Variants in RUNX1 observed in about 807,000 individuals in gnomAD.
The protein encoded by RUNX1 is runt-related transcription factor 1.
A neutral mutation model predicts 42.8 loss-of-function variants in RUNX1; 19 were observed. The ratio of observed to expected loss-of-function variants is 0.44; its 90% CI spans 0.31 to 0.65. The LOEUF is 0.65. Ranked by LOEUF, RUNX1 falls within the 30% of genes least tolerant of loss-of-function variation. The probability of loss-of-function intolerance (pLI) is 0.07; values close to 1 mark genes in which losing one functional copy is unlikely to be tolerated. For synonymous variants in RUNX1, 271 were observed against 289.4 expected (o/e 0.94, Z 0.64); for missense variants, 528 against 672.0 (o/e 0.79, Z 2.37).
chr21:34,877,715 C>T (rs1254112903), intron 5 of RUNX1, among the ~76,000 whole-genome samples: 1 of 152,212 alleles, frequency 6.6e-6, no homozygotes, highest in Admixed American at 6.5e-5. Context: ...GAGCTGTGAT[C>T]CTGGATGGCA....
chr21:34,889,806 G>C, intron 3 of RUNX1: 1 of 1,125,062 alleles, frequency 8.9e-7, no homozygotes, highest in Non-Finnish European at 1.1e-6. Flanking sequence ...CGCCCGGCGG[G>C]GCTCCCTCCC....
At chr21:34,932,850 A>G (rs1033357868) in intron 2 of RUNX1, among the ~76,000 whole-genome samples, 2 of 152,128 alleles carry the variant, frequency 1.3e-5, no homozygotes, top group African/African-American at 2.4e-5. Flanking sequence ...GGCATTTCCC[A>G]TACTCCTCTC....
intron 2 of RUNX1, among the ~76,000 whole-genome samples, chr21:34,922,988 G>T (rs2058365375): frequency 6.6e-6 from 1 of 152,150 alleles, no homozygotes; most frequent in Non-Finnish European, 1.5e-5. Context: ...CTATTTTATA[G>T]AGGGAGAAAA....
chr21:34,875,990 C>A (rs932654903), intron 5 of RUNX1, among the ~76,000 whole-genome samples: 2 of 152,154 alleles, frequency 1.3e-5, no homozygotes, highest in African/African-American at 2.4e-5. Context: ...CAAGAACATA[C>A]CGAAGGAATT....
chr21:34,834,056 C>A (rs1225579859), intron 7 of RUNX1: 5 of 453,080 alleles, frequency 1.1e-5, no homozygotes, highest in Non-Finnish European at 2.1e-5. Flanking sequence ...TGTCTTCAAG[C>A]CTAATGGGTA....
chr21:34,989,996 C>T (rs1440175172), intron 2 of RUNX1, among the ~76,000 whole-genome samples: 1 of 152,158 alleles, frequency 6.6e-6, no homozygotes, highest in East Asian at 1.9e-4. Context: ...GAAACGGATG[C>T]ACAGTAAATG....
In RUNX1 at chr21:34,808,936, A is replaced by G. The variant is rs533303107; in HGVS notation, c.806-9474T>C. Among the ~76,000 whole-genome samples the G allele has an allele frequency of 2.0e-5, 3 of 152,302 alleles. No individual in the cohort carries two copies. The South Asian group carries it at 6.2e-4, about 32-fold the overall frequency. ...CTGAGGCAGAGGGAGAGTGGCCTTC[A>G]GTGCACACAGCTGGAGGGACCATAG... On this transcript the variant is annotated intron_variant, in intron 7 of 8. Coordinates refer to ENST00000675419, the MANE Select transcript of RUNX1 (RefSeq NM_001754.5).
At chr21:34,922,403 C>T (rs2058360851) in intron 2 of RUNX1, among the ~76,000 whole-genome samples, 1 of 152,088 alleles carries the variant, frequency 6.6e-6, no homozygotes, top group South Asian at 2.1e-4. Context: ...ACTTTACTGT[C>T]TTTATATCAA....
intron 2 of RUNX1, among the ~76,000 whole-genome samples, chr21:34,894,016 T>C (rs2058109020): frequency 6.6e-6 from 1 of 152,096 alleles, no homozygotes; most frequent in Admixed American, 6.6e-5. Flanking sequence ...GGTTCACAAG[T>C]AGATAAAATG....
intron 2 of RUNX1, among the ~76,000 whole-genome samples, chr21:35,043,446 G>A (rs2059374401): frequency 6.6e-6 from 1 of 152,096 alleles, no homozygotes; most frequent in African/African-American, 2.4e-5. Flanking sequence ...AATGGGAGTT[G>A]GAGAAAGCAA....
intron 2 of RUNX1, among the ~76,000 whole-genome samples, chr21:34,895,506 TAGCAG>T (rs969551150): frequency 3.9e-5 from 6 of 152,204 alleles, no homozygotes; most frequent in African/African-American, 1.4e-4. Context: ...ACTTCCTTCC[TAGCAG>T]AGGTGATTTT....
At chr21:34,948,388 T>C (rs2058581418) in intron 2 of RUNX1, among the ~76,000 whole-genome samples, 3 of 152,054 alleles carry the variant, frequency 2.0e-5, no homozygotes, top group Admixed American at 6.6e-5. Flanking sequence ...CTGTATTCAT[T>C]CTCTCGGGGT....
intron 2 of RUNX1, among the ~76,000 whole-genome samples, chr21:35,045,718 C>G (rs929596504): frequency 1.1e-4 from 16 of 152,284 alleles, no homozygotes; most frequent in Admixed American, 1.0e-3. Context: ...AGTGTTCAGT[C>G]AAGCCAGAAG....
intron 5 of RUNX1, among the ~76,000 whole-genome samples, chr21:34,876,002 C>T (rs1051160556): frequency 6.6e-6 from 1 of 152,200 alleles, no homozygotes; most frequent in Admixed American, 6.5e-5. Context: ...GAAGGAATTT[C>T]ATTGTATAAA....
intron 2 of RUNX1, among the ~76,000 whole-genome samples, chr21:35,007,402 GA>G (rs2059093198): frequency 6.6e-6 from 1 of 152,092 alleles, no homozygotes; most frequent in Middle Eastern, 3.2e-3. Context: ...CCCCACCCCA[GA>G]ACTGTGCCTT....
chr21:34,940,342 T>C (rs1473563590), intron 2 of RUNX1, among the ~76,000 whole-genome samples: 1 of 152,212 alleles, frequency 6.6e-6, no homozygotes, highest in Middle Eastern at 3.2e-3. Flanking sequence ...AGCCATTCGT[T>C]CTTTAATGTC....
In RUNX1 at chr21:34,907,936, T is replaced by C. The variant is rs964641031; in HGVS notation, c.59-14973A>G. ...AGTTTATAGAGGGAAAAGGAGGCTCTGAAAAGTGAGTGGCTCTTCTAAGCT... is the reference window on the plus strand; with the variant it reads ...AGTTTATAGAGGGAAAAGGAGGCTCCGAAAAGTGAGTGGCTCTTCTAAGCT... On this transcript the variant is annotated intron_variant, in intron 2 of 8. Transcript: ENST00000675419. This position sits in a 1 kb window ranked among gnomAD's most constrained non-coding sequence, Gnocchi z 5.3. Among the ~76,000 whole-genome samples the C allele has an allele frequency of 2.6e-5, 4 of 152,218 alleles. No individual in the cohort carries two copies. Among genetic ancestry groups the C allele is most frequent in the Non-Finnish European group, 2.9e-5 (2 of 68,042 alleles).
intron 2 of RUNX1, among the ~76,000 whole-genome samples, chr21:34,984,012 T>A (rs1950253509): frequency 6.6e-6 from 1 of 151,994 alleles, no homozygotes; most frequent in African/African-American, 2.4e-5. Flanking sequence ...GCATCCCCAG[T>A]GGATGTGTTC....
At chr21:34,915,381 C>T (rs1328958888) in intron 2 of RUNX1, among the ~76,000 whole-genome samples, 3 of 152,166 alleles carry the variant, frequency 2.0e-5, no homozygotes, top group Non-Finnish European at 4.4e-5. Context: ...TAAAGTCAAG[C>T]TCATCACTGA....
Sources: gnomAD v4.1 joint callset for allele counts (sites outside exome capture counted in the v4.1 genomes callset) on GRCh38, gnomAD v4.1.1 for gene constraint, Gnocchi (gnomAD v3.1) non-coding constraint, MANE v1.5 for transcripts, NCBI Gene and HGNC (gene_info 2026-07-23, HGNC 2026-07-21) for gene names.